The following MNAT1 variants were observed in gnomAD, a reference collection of about 807,000 sequenced individuals.
MNAT1 encodes the protein MNAT1 component of CDK activating kinase, also known as CDK-activating kinase assembly factor MAT1.
A neutral mutation model predicts 42.0 loss-of-function variants in MNAT1; 43 were observed. The ratio of observed to expected loss-of-function variants is 1.02; its 90% confidence interval spans 0.80 to 1.32. MNAT1 has a LOEUF of 1.32. Among genes scored for constraint, MNAT1 ranks in the 40% most tolerant of loss-of-function variants. MNAT1 has a pLI of 0.00. For missense variants in MNAT1, 306 were observed against 350.4 expected, an observed-to-expected ratio of 0.87 and a Z score of 1.01; for synonymous variants, 118 against 120.0, an observed-to-expected ratio of 0.98 and a Z score of 0.11.
intron 7 of MNAT1, among the ~76,000 whole-genome samples, chr14:60,916,824 A>G (rs781201037): frequency 2.6e-5 from 4 of 152,048 alleles, no homozygotes; most frequent in African/African-American, 9.7e-5. Flanking sequence ...GCGGTTGTGC[A>G]TGCCAGTAGT....
intron 7 of MNAT1, among the ~76,000 whole-genome samples, chr14:60,948,719 T>C (rs1209394953): frequency 2.0e-5 from 3 of 152,228 alleles, no homozygotes; most frequent in Non-Finnish European, 4.4e-5. Context: ...AGGGACTGTT[T>C]GTCTTCTCAT....
intron 7 of MNAT1, among the ~76,000 whole-genome samples, chr14:60,918,332 C>T (rs2139545389): frequency 6.7e-6 from 1 of 149,820 alleles, no homozygotes; most frequent in South Asian, 2.1e-4. Flanking sequence ...CCTCAGCCTC[C>T]TGAGTAGCTG....
intron 6 of MNAT1, among the ~76,000 whole-genome samples, chr14:60,853,945 A>G (rs1330046682): frequency 1.3e-5 from 2 of 152,046 alleles, no homozygotes; most frequent in Non-Finnish European, 2.9e-5. Context: ...GAATCTGTAT[A>G]TTCCTGGGCT....
chr14:60,963,061 G>A (rs906755497), intron 7 of MNAT1, among the ~76,000 whole-genome samples: 68 of 151,876 alleles, frequency 4.5e-4, no homozygotes, highest in Admixed American at 1.4e-3. Context: ...GGCTCGCTGC[G>A]ACCTCCACCT....
At chr14:60,957,684 A>G (rs1308156225) in intron 7 of MNAT1, among the ~76,000 whole-genome samples, 1 of 152,170 alleles carries the variant, frequency 6.6e-6, no homozygotes, top group African/African-American at 2.4e-5. Flanking sequence ...TTATATATCC[A>G]TTAACAAATT....
chr14:60,812,076 A>G lies in MNAT1; in HGVS notation c.510A>G (p.Gln170=). ...GATTATTTATACAAAAAGAAGAACA[A>G]CTGCAGCAGATTCTAAAAAGGAAGA... is the stretch of plus-strand genomic sequence containing the variant. The part of the protein sequence containing the change: ...QRRLFIQKEE[Q]LQQILKRKNK... Residue 170 remains glutamine (Q), a synonymous_variant, in exon 5 of 8, where the codon CAA becomes CAG. Coordinates refer to ENST00000261245, the MANE Select transcript of MNAT1 (RefSeq NM_002431.4). 6.2e-7 allele frequency: 1 copy of G among 1,600,362 alleles called. No homozygotes were observed. Among genetic ancestry groups the G allele is most frequent in the Non-Finnish European group, 8.5e-7 (1 of 1,174,632 alleles).
intron 1 of MNAT1, among the ~76,000 whole-genome samples, chr14:60,772,083 A>C (rs562411705): frequency 1.3e-5 from 2 of 152,174 alleles, no homozygotes; most frequent in African/African-American, 4.8e-5. Flanking sequence ...GGGCTCTAAG[A>C]TTATTTTTGA....
chr14:60,802,551 A>C (rs1461406202), intron 3 of MNAT1, among the ~76,000 whole-genome samples: 1 of 152,178 alleles, frequency 6.6e-6, no homozygotes, highest in Non-Finnish European at 1.5e-5. Context: ...AAGAGTGAGA[A>C]ATGACTTTTC....
At chr14:60,768,182 T>G (rs953293887) in intron 1 of MNAT1, among the ~76,000 whole-genome samples, 1 of 152,212 alleles carries the variant, frequency 6.6e-6, no homozygotes. Flanking sequence ...TTTATAGGCG[T>G]GAGCCACCGC....
intron 7 of MNAT1, among the ~76,000 whole-genome samples, chr14:60,900,408 C>G (rs1259081240): frequency 1.3e-5 from 2 of 152,244 alleles, no homozygotes; most frequent in South Asian, 2.1e-4. Context: ...TTTTAGTGGT[C>G]TGGATAGATC....
intron 6 of MNAT1, among the ~76,000 whole-genome samples, chr14:60,847,193 A>G (rs2139410878): frequency 6.6e-6 from 1 of 152,214 alleles, no homozygotes; most frequent in Non-Finnish European, 1.5e-5. Context: ...TCATGAGGAC[A>G]GGAGATCGAG....
intron 6 of MNAT1, among the ~76,000 whole-genome samples, chr14:60,843,250 C>T (rs1348714970): frequency 6.6e-6 from 1 of 152,044 alleles, no homozygotes; most frequent in Non-Finnish European, 1.5e-5. Flanking sequence ...TGGTTTTCAG[C>T]ATTTTTTATT....
Position 60,766,825 on chromosome 14 carries a change from T to C in MNAT1, c.90-29392T>C, listed in dbSNP as rs549965346. ...GGGGAGGCTTATTAATATAATTTAA[T>C]TATTTTGAACAACAAGATGAATTGG... On this transcript the variant is annotated intron_variant, in intron 1 of 7. Coordinates refer to ENST00000261245, the MANE Select transcript of MNAT1 (RefSeq NM_002431.4). Among the ~76,000 whole-genome samples, 16 of 152,330 alleles carry C rather than the reference T, an allele frequency of 1.1e-4. No homozygotes were observed. In the South Asian group the frequency reaches 3.3e-3, roughly 32 times the overall value.
Position 60,897,237 on chromosome 14 carries a change from C to T in MNAT1, c.809+17402C>T, listed in dbSNP as rs529871839. 5.3e-5 allele frequency among the ~76,000 whole-genome samples: 8 copies of T among 151,736 alleles called. No homozygotes were observed. In the South Asian group the frequency reaches 1.2e-3, roughly 24 times the overall value. On this transcript the variant is annotated intron_variant, in intron 7 of 7. Coordinates refer to ENST00000261245, the MANE Select transcript of MNAT1 (RefSeq NM_002431.4). ...TATGGTTTCAGGCAAACTTTGATACCGGCCATGAAAATACTACATGATGAA... is the reference window on the plus strand; with the variant it reads ...TATGGTTTCAGGCAAACTTTGATACTGGCCATGAAAATACTACATGATGAA...
rs549332134 is a variant in MNAT1, at chr14:60,945,408, T to C, written c.810-22821T>C. Among the ~76,000 whole-genome samples the C allele has an allele frequency of 5.9e-5, 9 of 152,304 alleles. No individual in the cohort carries two copies. The South Asian group carries it at 1.9e-3, about 32-fold the overall frequency. On this transcript the variant is annotated intron_variant, in intron 7 of 7. Transcript: ENST00000261245. ...AGGAATTCTAACTATCTATTTTCTTTGTTTTTCTTTGGAATAAATTTGAAT... is the reference window on the plus strand; with the variant it reads ...AGGAATTCTAACTATCTATTTTCTTCGTTTTTCTTTGGAATAAATTTGAAT...
intron 6 of MNAT1, among the ~76,000 whole-genome samples, chr14:60,825,161 C>T (rs1208168579): frequency 6.6e-6 from 1 of 152,128 alleles, no homozygotes; most frequent in Non-Finnish European, 1.5e-5. Flanking sequence ...ATAGCCAATC[C>T]TCAGCCTCAT....
intron 3 of MNAT1, among the ~76,000 whole-genome samples, chr14:60,805,889 A>G (rs2032353286): frequency 6.6e-6 from 1 of 152,198 alleles, no homozygotes; most frequent in Non-Finnish European, 1.5e-5. Flanking sequence ...ATTTGGATAA[A>G]TACCTAGGTG....
At chr14:60,776,353 T>A (rs1159920152) in intron 1 of MNAT1, among the ~76,000 whole-genome samples, 1 of 152,006 alleles carries the variant, frequency 6.6e-6, no homozygotes, top group Non-Finnish European at 1.5e-5. Context: ...GAGATATATA[T>A]ATATTGATAA....
Position 60,854,343 on chromosome 14 carries a change from C to T in MNAT1, c.688-25371C>T, listed in dbSNP as rs141184896. On this transcript the variant is annotated intron_variant, in intron 6 of 7. Coordinates refer to ENST00000261245, the MANE Select transcript of MNAT1 (RefSeq NM_002431.4). ...TTCTCCATCCAGTTTTGTGCCCTTG[C>T]TTGAGAGGAGTTGTAATCATTTGGA... 1.2e-4 allele frequency among the ~76,000 whole-genome samples: 18 copies of T among 152,264 alleles called. No individual in the cohort carries two copies. The East Asian group carries it at 3.3e-3, about 28-fold the overall frequency.
Sources: allele counts gnomAD v4.1 joint callset (sites outside exome capture counted in the v4.1 genomes callset), GRCh38; gene constraint gnomAD v4.1.1; transcripts MANE v1.5; gene names NCBI Gene and HGNC (gene_info 2026-07-23, HGNC 2026-07-21).